Variants in LRBA observed in about 807,000 individuals in gnomAD.
The protein encoded by LRBA is lipopolysaccharide-responsive and beige-like anchor protein.
LRBA carries 176 observed loss-of-function variants against 330.0 expected under a neutral mutation model. The ratio of observed to expected loss-of-function variants is 0.53; its 90% CI spans 0.47 to 0.60. The LOEUF (loss-of-function observed/expected upper bound fraction) is 0.60. Ranked by LOEUF, LRBA falls within the 20% of genes least tolerant of loss-of-function variation. The probability of loss-of-function intolerance (pLI) is 0.00; values close to 1 mark genes in which losing one functional copy is unlikely to be tolerated. For missense variants in LRBA, 3,259 were observed against 3,444.8 expected (o/e 0.95, Z 1.35); for synonymous variants, 1,230 against 1,193.0 (o/e 1.03, Z -0.64).
intron 47 of LRBA, among the ~76,000 whole-genome samples, chr4:150,364,037 A>G (rs1739085760): frequency 6.6e-6 from 1 of 152,220 alleles, no homozygotes; most frequent in South Asian, 2.1e-4. Context: ...GAATGATTAC[A>G]TGGGAAGGAA....
chr4:150,282,033 T>A (rs546608498), intron 55 of LRBA, among the ~76,000 whole-genome samples: 4 of 152,248 alleles, frequency 2.6e-5, no homozygotes, highest in Admixed American at 2.6e-4. Flanking sequence ...TAATCCCTAC[T>A]GCTCCCACCA....
At position 150,535,872 on chromosome 4, in the gene LRBA, C is replaced by G. The variant is rs1232209709; in HGVS notation, c.6331-44837G>C. Among the ~76,000 whole-genome samples the G allele has an allele frequency of 2.6e-5, 4 of 152,240 alleles. No individual in the cohort carries two copies. The South Asian group carries it at 8.3e-4, about 32-fold the overall frequency. ...CTCTCAGAGGTGGTGTAGTTAAGAACAGAACTTCGACATGACTAATGGGGG... is the reference window on the plus strand; with the variant it reads ...CTCTCAGAGGTGGTGTAGTTAAGAAGAGAACTTCGACATGACTAATGGGGG... On this transcript the variant is annotated intron_variant, in intron 40 of 56. Transcript: ENST00000651943.
chr4:150,321,296 CAG>C lies in LRBA; in HGVS notation c.7523_7524del (p.Pro2508ArgfsTer23), dbSNP rs1189128520. On this transcript the variant is annotated frameshift_variant, in exon 50 of 57. Transcript: ENST00000651943. LOFTEE classifies it high-confidence loss of function. This position sits in a 1 kb window ranked among gnomAD's most constrained non-coding sequence, Gnocchi z 4.5. ...TGGGTGTTGGCTGCCACGTGAGTAA[CAG>C]GGGAGTTGGAGGGAAACTTGAGGAC... is the stretch of plus-strand genomic sequence containing the variant. ...IMVLKFPSNS[P>X]VTHVAANTQP... 1 of 1,609,918 alleles carries C rather than the reference CAG, an allele frequency of 6.2e-7. No homozygotes were observed. The highest frequency in any genetic ancestry group is 1.7e-5 in the Admixed American group (1 of 58,880).
intron 44 of LRBA, among the ~76,000 whole-genome samples, chr4:150,464,575 C>T (rs1581393466): frequency 1.3e-5 from 2 of 151,944 alleles, no homozygotes; most frequent in African/African-American, 4.8e-5. Flanking sequence ...TTTAAACCAA[C>T]CATTTATCAT....
Position 150,439,018 on chromosome 4 carries a change from GA to G in LRBA, c.6781-2155del, listed in dbSNP as rs199966080. On this transcript the variant is annotated intron_variant, in intron 44 of 56. Coordinates refer to ENST00000651943, the MANE Select transcript of LRBA (RefSeq NM_001364905.1). ...GACTTACTAAATATGTGCCAGTTAA[GA>G]ATGGAGCTGACTCCAAGGATTCTTT... 6.2e-3 allele frequency among the ~76,000 whole-genome samples: 951 copies of G among 152,254 alleles called. 7 individuals carry two copies. The highest frequency in any genetic ancestry group is 0.01 in the Middle Eastern group (3 of 294).
At chr4:150,815,397 T>C (rs1744421320) in intron 31 of LRBA, among the ~76,000 whole-genome samples, 1 of 150,750 alleles carries the variant, frequency 6.6e-6, no homozygotes, top group Non-Finnish European at 1.5e-5. Flanking sequence ...ACAATAAAGA[T>C]GAAAAATTTG....
intron 47 of LRBA, among the ~76,000 whole-genome samples, chr4:150,351,603 G>A (rs1227187714): frequency 6.6e-6 from 1 of 152,024 alleles, no homozygotes; most frequent in Non-Finnish European, 1.5e-5. Context: ...GCAGGAGAAT[G>A]GCATGAACCC....
chr4:150,356,488 T>C (rs1177083718), intron 47 of LRBA, among the ~76,000 whole-genome samples: 1 of 152,038 alleles, frequency 6.6e-6, no homozygotes, highest in Non-Finnish European at 1.5e-5. Flanking sequence ...TATAGGTAAA[T>C]TTCCTTATTT....
In LRBA at chr4:150,487,763, C is replaced by A. The variant is rs778491341; in HGVS notation, c.6520G>T (p.Val2174Phe). The change falls in exon 42 of 57, where the codon GTT becomes TTT. Residue 2174 changes from valine to phenylalanine, a missense_variant. Transcript: ENST00000651943. ...KVVNYLPRVG[V>F]GTSFGLPQTR... ...TGAGGCAATCCAAAACTTGTTCCAA[C>A]GCCAACACGAGGTAGATAGTTAACC... 7 of 1,598,974 alleles carry A rather than the reference C, an allele frequency of 4.4e-6. No homozygotes were observed. Among genetic ancestry groups the A allele is most frequent in the Non-Finnish European group, 6.0e-6 (7 of 1,169,426 alleles).
intron 40 of LRBA, chr4:150,579,416 GAAGTGTTT>G (rs1312533255): frequency 2.3e-6 from 1 of 442,808 alleles, no homozygotes; most frequent in Non-Finnish European, 4.5e-6. Flanking sequence ...TTATTTGCTG[GAAGTGTTT>G]AAGTTTATTG....
intron 40 of LRBA, among the ~76,000 whole-genome samples, chr4:150,498,791 A>C (rs895400253): frequency 2.0e-5 from 3 of 152,198 alleles, no homozygotes; most frequent in African/African-American, 7.2e-5. Flanking sequence ...GGAGATACTG[A>C]AATTACCTTG....
chr4:150,453,609 C>T (rs549959447), intron 44 of LRBA, among the ~76,000 whole-genome samples: 2 of 152,226 alleles, frequency 1.3e-5, no homozygotes, highest in South Asian at 4.1e-4. Flanking sequence ...ACCATTGGGT[C>T]AAAATAAGTA....
chr4:150,389,028 T>G (rs1367150658), intron 47 of LRBA, among the ~76,000 whole-genome samples: 2 of 152,046 alleles, frequency 1.3e-5, no homozygotes, highest in Non-Finnish European at 2.9e-5. Flanking sequence ...TGAAGAAATA[T>G]AAAAACTATT....
At chr4:150,417,013 G>C (rs1368380963) in intron 46 of LRBA, among the ~76,000 whole-genome samples, 1 of 152,082 alleles carries the variant, frequency 6.6e-6, no homozygotes, top group Non-Finnish European at 1.5e-5. Context: ...ACCAGGACTT[G>C]TTTAACTGTA....
chr4:150,973,941 C>A (rs149091783), intron 2 of LRBA, among the ~76,000 whole-genome samples: 2 of 152,316 alleles, frequency 1.3e-5, no homozygotes, highest in East Asian at 3.9e-4. Flanking sequence ...ATTAATCAAG[C>A]AGCTATTACA....
intron 47 of LRBA, among the ~76,000 whole-genome samples, chr4:150,383,164 C>T (rs950881820): frequency 1.3e-5 from 2 of 152,194 alleles, no homozygotes; most frequent in Non-Finnish European, 2.9e-5. Flanking sequence ...CAAAGTAGTA[C>T]TAAGTACACT....
intron 44 of LRBA, among the ~76,000 whole-genome samples, chr4:150,460,130 G>A (rs1754583720): frequency 6.6e-6 from 1 of 151,660 alleles, no homozygotes; most frequent in Admixed American, 6.6e-5. Context: ...AGACTAAAAG[G>A]ACTGGCATTC....
rs183392978 is a variant in LRBA at position 150,911,638 on chromosome 4, T to C, written c.1161+2557A>G. Reference sequence around the variant, plus strand: ...TTTTTCCATCAATATTCATCAGGGATATTAGTCTATAGTTTTCTTTCTTGT... The same window carrying C: ...TTTTTCCATCAATATTCATCAGGGACATTAGTCTATAGTTTTCTTTCTTGT... On this transcript the variant is annotated intron_variant, in intron 9 of 56. Coordinates refer to ENST00000651943, the MANE Select transcript of LRBA (RefSeq NM_001364905.1). Among the ~76,000 whole-genome samples, 108 of 152,334 alleles carry C rather than the reference T, an allele frequency of 7.1e-4. 2 individuals carry two copies. The East Asian group carries it at 0.013, about 18-fold the overall frequency.
At chr4:150,553,972 AG>A (rs1448494473) in intron 40 of LRBA, among the ~76,000 whole-genome samples, 2 of 152,202 alleles carry the variant, frequency 1.3e-5, no homozygotes, top group Non-Finnish European at 2.9e-5. Context: ...TTACTGGTCA[AG>A]GGTTCATTTA....
Sources: allele counts gnomAD v4.1 joint callset (sites outside exome capture counted in the v4.1 genomes callset), GRCh38; gene constraint gnomAD v4.1.1; non-coding constraint Gnocchi (gnomAD v3.1); transcripts MANE v1.5; gene names NCBI Gene and HGNC (gene_info 2026-07-23, HGNC 2026-07-21).